Variants in INPP4B observed in about 807,000 individuals in gnomAD.
INPP4B encodes the protein inositol polyphosphate-4-phosphatase type II B, also known as inositol polyphosphate 4-phosphatase type II.
Under a neutral mutation model 122.5 loss-of-function variants are expected in INPP4B, and 55 were observed. That is an observed-to-expected ratio of 0.45 (90% CI 0.36 to 0.56). The LOEUF (loss-of-function observed/expected upper bound fraction) is 0.56. Among genes scored for constraint, INPP4B ranks in the 20% least tolerant of loss-of-function variants. The pLI is 0.00. For synonymous variants in INPP4B, 403 were observed against 388.7 expected (o/e 1.04, Z -0.43); for missense variants, 1,000 against 1,097.7 (o/e 0.91, Z 1.26).
chr4:142,448,802 A>G lies in INPP4B; in HGVS notation c.-127+13861T>C, dbSNP rs1267866346. ...CCTAATTTAACATCATCCAAAAGTAACATAAATAAATAAATAAATAAAGTT... is the reference window on the plus strand; with the variant it reads ...CCTAATTTAACATCATCCAAAAGTAGCATAAATAAATAAATAAATAAAGTT... On this transcript the variant is annotated intron_variant, in intron 3 of 25. Transcript: ENST00000262992. Among the ~76,000 whole-genome samples, 3 of 152,184 alleles carry G rather than the reference A, an allele frequency of 2.0e-5. No individual in the cohort carries two copies. The East Asian group carries it at 5.8e-4, about 29-fold the overall frequency.
chr4:142,401,348 C>T (rs962739161), intron 7 of INPP4B, among the ~76,000 whole-genome samples: 1 of 152,140 alleles, frequency 6.6e-6, no homozygotes, highest in African/African-American at 2.4e-5. Context: ...GCAGTCTACT[C>T]CTTTTTCACA....
rs930546480 is a variant in INPP4B, at chr4:142,754,184, A to T, written c.-253-28283T>A. ...TTCAGAATTTCCTTTTATACCTTTA[A>T]TAATTCCATGGATTCTCAAACATAA... On this transcript the variant is annotated intron_variant, in intron 1 of 25. Coordinates refer to ENST00000262992, the MANE Select transcript of INPP4B (RefSeq NM_001101669.3). Among the ~76,000 whole-genome samples the T allele has an allele frequency of 2.0e-5, 3 of 151,996 alleles. No individual in the cohort carries two copies. In the East Asian group the frequency reaches 5.8e-4, roughly 29 times the overall value.
chr4:142,176,944 G>T (rs1282326157), intron 15 of INPP4B, among the ~76,000 whole-genome samples: 1 of 152,102 alleles, frequency 6.6e-6, no homozygotes, highest in Non-Finnish European at 1.5e-5. Flanking sequence ...ATTCACAAAA[G>T]TTGCTTTGGT....
intron 23 of INPP4B, among the ~76,000 whole-genome samples, chr4:142,104,094 T>A (rs1785815850): frequency 6.6e-6 from 1 of 152,092 alleles, no homozygotes; most frequent in African/African-American, 2.4e-5. Flanking sequence ...TATGACAATA[T>A]CCTTCTTCTT....
intron 25 of INPP4B, among the ~76,000 whole-genome samples, chr4:142,039,243 T>C (rs1454905005): frequency 6.6e-6 from 1 of 152,196 alleles, no homozygotes; most frequent in African/African-American, 2.4e-5. Context: ...ATTGGAAGAA[T>C]ACAAAGCATG....
At chr4:142,112,969 A>C (rs1198196852) in intron 21 of INPP4B, among the ~76,000 whole-genome samples, 2 of 152,054 alleles carry the variant, frequency 1.3e-5, no homozygotes, top group Non-Finnish European at 2.9e-5. Context: ...TGATAGCCTC[A>C]ATTTTTTTTC....
intron 25 of INPP4B, among the ~76,000 whole-genome samples, chr4:142,055,695 T>G (rs1020849610): frequency 2.3e-4 from 34 of 150,612 alleles, no homozygotes; most frequent in Admixed American, 3.3e-4. Context: ...CTACTAAATC[T>G]TTTTTTTTTG....
chr4:142,260,565 C>T lies in INPP4B; in HGVS notation c.616-1G>A, dbSNP rs1739418731. 1 of 1,498,398 alleles carries T rather than the reference C, an allele frequency of 6.7e-7. No individual in the cohort carries two copies. Among genetic ancestry groups the T allele is most frequent in the Non-Finnish European group, 9.0e-7 (1 of 1,114,958 alleles). 92.8% of individuals were successfully genotyped at this position (1,498,398 alleles called of 1,614,324 possible). Reference sequence around the variant, plus strand: ...CTGTACATTCACATACCAGGGCACACTAGGAAAAAATGTAAAAAAAAAAAA... The same window carrying T: ...CTGTACATTCACATACCAGGGCACATTAGGAAAAAATGTAAAAAAAAAAAA... On this transcript the variant is annotated splice_acceptor_variant, in intron 10 of 25. Coordinates refer to ENST00000262992, the MANE Select transcript of INPP4B (RefSeq NM_001101669.3). LOFTEE classifies it high-confidence loss of function.
intron 2 of INPP4B, among the ~76,000 whole-genome samples, chr4:142,608,470 T>A (rs1026785748): frequency 2.0e-5 from 3 of 152,108 alleles, no homozygotes; most frequent in African/African-American, 7.2e-5. Context: ...CTAACTACAT[T>A]TTTCTTTCTT....
chr4:142,653,271 T>C (rs1753409031), intron 2 of INPP4B, among the ~76,000 whole-genome samples: 1 of 152,164 alleles, frequency 6.6e-6, no homozygotes, highest in South Asian at 2.1e-4. Flanking sequence ...ATAAAAACCC[T>C]AGAAGAAAAC....
intron 2 of INPP4B, among the ~76,000 whole-genome samples, chr4:142,553,956 C>A (rs958208954): frequency 1.3e-5 from 2 of 151,972 alleles, no homozygotes; most frequent in East Asian, 3.9e-4. Flanking sequence ...TTTGGGAGGC[C>A]GAAGTGGGCA....
In INPP4B at chr4:142,627,421, C is replaced by CT. The variant is rs569873373; in HGVS notation, c.-191+98417_-191+98418insA. On this transcript the variant is annotated intron_variant, in intron 2 of 25. Transcript: ENST00000262992. ...AGATAGCTCTTATTATTTTGAGATACGTCCCATCAATACCTAATTTATTGA... is the reference window on the plus strand; with the variant it reads ...AGATAGCTCTTATTATTTTGAGATACTGTCCCATCAATACCTAATTTATTGA... 7.2e-3 allele frequency among the ~76,000 whole-genome samples: 1,035 copies of CT among 143,256 alleles called. 11 individuals carry two copies. Among genetic ancestry groups the CT allele is most frequent in the African/African-American group, 0.02 (731 of 37,476 alleles). The allele number at this position is 143,256 out of a possible 152,430, so 94.0% of individuals were successfully genotyped here. A position where few individuals can be genotyped will look rare whatever the true frequency, so the allele number is the denominator to read the frequency against.
chr4:142,651,228 G>A (rs1752898193), intron 2 of INPP4B, among the ~76,000 whole-genome samples: 1 of 152,156 alleles, frequency 6.6e-6, no homozygotes, highest in Non-Finnish European at 1.5e-5. Flanking sequence ...GCCATGTTTG[G>A]AGGAAAATTT....
chr4:142,720,031 A>G (rs1265249995), intron 2 of INPP4B, among the ~76,000 whole-genome samples: 1 of 152,206 alleles, frequency 6.6e-6, no homozygotes, highest in Non-Finnish European at 1.5e-5. Context: ...AAAGTATCAA[A>G]GCAGAAGTTT....
intron 1 of INPP4B, among the ~76,000 whole-genome samples, chr4:142,736,476 T>A (rs3098931): frequency 6.6e-6 from 1 of 152,114 alleles, no homozygotes; most frequent in Non-Finnish European, 1.5e-5. Flanking sequence ...TATTTTGTTG[T>A]GCAGTGGTTT....
At chr4:142,471,507 C>T (rs937352840) in intron 2 of INPP4B, among the ~76,000 whole-genome samples, 2 of 152,182 alleles carry the variant, frequency 1.3e-5, no homozygotes, top group African/African-American at 4.8e-5. Context: ...CTTCCTTATA[C>T]ATACAGAACA....
chr4:142,222,696 C>T (rs1223709045), intron 12 of INPP4B, among the ~76,000 whole-genome samples: 1 of 152,190 alleles, frequency 6.6e-6, no homozygotes, highest in African/African-American at 2.4e-5. Flanking sequence ...ATTCCGAAAT[C>T]AGTGTCTCAG....
intron 7 of INPP4B, among the ~76,000 whole-genome samples, chr4:142,370,304 T>C (rs572325990): frequency 2.6e-5 from 4 of 152,276 alleles, no homozygotes; most frequent in Non-Finnish European, 5.9e-5. Context: ...ACACTAACCA[T>C]TGCACAATAA....
At chr4:142,068,687 C>G (rs1311851101) in intron 25 of INPP4B, among the ~76,000 whole-genome samples, 1 of 152,136 alleles carries the variant, frequency 6.6e-6, no homozygotes, top group Non-Finnish European at 1.5e-5. Flanking sequence ...CCATCCTAGT[C>G]TCTGATAAAA....
Sources: gnomAD v4.1 joint callset for allele counts (sites outside exome capture counted in the v4.1 genomes callset) on GRCh38, gnomAD v4.1.1 for gene constraint, MANE v1.5 for transcripts, NCBI Gene and HGNC (gene_info 2026-07-23, HGNC 2026-07-21) for gene names.